Variants in LMNTD1 observed in about 807,000 individuals in gnomAD.
LMNTD1 encodes the protein lamin tail domain containing 1, also known as lamin tail domain-containing protein 1.
In LMNTD1, 35 loss-of-function variants were observed where a neutral mutation model predicts 50.9. The observed-to-expected ratio is 0.69, with a 90% confidence interval of 0.53 to 0.91. The LOEUF is 0.91. Ranked by LOEUF, LMNTD1 falls within the 40% of genes least tolerant of loss-of-function variation. The probability of loss-of-function intolerance (pLI) is 0.00; values close to 1 mark genes in which losing one functional copy is unlikely to be tolerated. For missense variants in LMNTD1, 470 were observed against 475.5 expected (o/e 0.99, Z 0.11); for synonymous variants, 153 against 161.9 (o/e 0.94, Z 0.42).
chr12:25,636,120 A>G (rs933369419), intron 1 of LMNTD1, among the ~76,000 whole-genome samples: 3 of 152,198 alleles, frequency 2.0e-5, no homozygotes, highest in African/African-American at 7.2e-5. Flanking sequence ...CAATGAAAAC[A>G]AAGATAAATA....
intron 1 of LMNTD1, among the ~76,000 whole-genome samples, chr12:25,637,948 G>T (rs564586010): frequency 5.9e-5 from 9 of 151,848 alleles, no homozygotes; most frequent in Non-Finnish European, 1.3e-4. Flanking sequence ...ATGCAAAAAT[G>T]CTCAACAAAA....
chr12:25,479,136 T>C (rs1938364256), intron 9 of LMNTD1, among the ~76,000 whole-genome samples: 1 of 152,184 alleles, frequency 6.6e-6, no homozygotes, highest in Admixed American at 6.5e-5. Flanking sequence ...CTTCTTAGCC[T>C]GTTGACTTAA....
At chr12:25,549,220 G>C in intron 3 of LMNTD1, 106 bp downstream of exon 3, 1 of 604,652 alleles carries the variant, frequency 1.7e-6, no homozygotes, top group South Asian at 2.5e-5. Context: ...TAGCATTTTG[G>C]GGGAGTAATA....
chr12:25,526,369 A>G lies in LMNTD1; in HGVS notation c.679-151T>C, dbSNP rs926742927. On this transcript the variant is annotated intron_variant, in intron 5 of 9. Transcript: ENST00000458174. The stretch of plus-strand genomic sequence containing the variant: ...ACAATGTCAAGCTATGCAACACCAA[A>G]CAGCTACTCTACAGGGATTAAAGGA... The G allele has an allele frequency of 4.3e-6, 3 of 695,984 alleles. No homozygotes were observed. The African/African-American group carries it at 5.6e-5, about 13-fold the overall frequency. 43.1% of individuals were successfully genotyped at this position (695,984 alleles called of 1,614,324 possible).
intron 1 of LMNTD1, among the ~76,000 whole-genome samples, chr12:25,614,092 A>G (rs959987583): frequency 7.2e-5 from 11 of 152,170 alleles, no homozygotes; most frequent in Non-Finnish European, 1.6e-4. Flanking sequence ...AAGTATCTAA[A>G]AAAAGTGTCC....
chr12:25,559,445 T>C (rs994494635), intron 1 of LMNTD1, among the ~76,000 whole-genome samples: 8 of 152,236 alleles, frequency 5.3e-5, no homozygotes, highest in Admixed American at 3.9e-4. Context: ...CAGTCTATCA[T>C]TGATGGACAT....
intron 8 of LMNTD1, among the ~76,000 whole-genome samples, chr12:25,508,332 G>A (rs1157157876): frequency 6.6e-6 from 1 of 151,922 alleles, no homozygotes; most frequent in African/African-American, 2.4e-5. Flanking sequence ...TTGACACCAT[G>A]GTTCAATATT....
At chr12:25,603,954 A>G (rs1390666780) in intron 1 of LMNTD1, among the ~76,000 whole-genome samples, 1 of 149,916 alleles carries the variant, frequency 6.7e-6, no homozygotes, top group Non-Finnish European at 1.5e-5. Flanking sequence ...ATTGGGGGGG[A>G]AGGCTGACAA....
intron 9 of LMNTD1, among the ~76,000 whole-genome samples, chr12:25,478,303 C>A (rs962889164): frequency 6.6e-6 from 1 of 152,130 alleles, no homozygotes; most frequent in Non-Finnish European, 1.5e-5. Context: ...CATAATTACA[C>A]CTAAGATAAT....
chr12:25,573,625 T>G (rs1012736808), intron 1 of LMNTD1, among the ~76,000 whole-genome samples: 1 of 152,006 alleles, frequency 6.6e-6, no homozygotes, highest in African/African-American at 2.4e-5. Flanking sequence ...GATGCCTATT[T>G]TGTTTTTTGC....
At chr12:25,575,003 A>C (rs1012334181) in intron 1 of LMNTD1, among the ~76,000 whole-genome samples, 1 of 152,192 alleles carries the variant, frequency 6.6e-6, no homozygotes, top group African/African-American at 2.4e-5. Flanking sequence ...AAAGACAGGC[A>C]AAGACCTGAA....
chr12:25,569,225 G>T (rs12580938), intron 1 of LMNTD1, among the ~76,000 whole-genome samples: 9,034 of 152,306 alleles, frequency 0.059, 296 homozygotes, highest in South Asian at 0.089. Flanking sequence ...AGGACATGGA[G>T]TCAAAGGAGA....
chr12:25,582,552 T>C (rs1236000137), intron 1 of LMNTD1: 1 of 152,220 alleles, frequency 6.6e-6, no homozygotes, highest in African/African-American at 2.4e-5. Context: ...TAAAACTTCA[T>C]GGGCTCCGAA....
chr12:25,628,324 T>G (rs959500), intron 1 of LMNTD1, among the ~76,000 whole-genome samples: 96,739 of 151,672 alleles, frequency 0.64, 31,129 homozygotes, highest in Non-Finnish European at 0.68. Flanking sequence ...TTTTGGATCA[T>G]TCAACTATAT....
intron 1 of LMNTD1, among the ~76,000 whole-genome samples, chr12:25,645,070 G>T (rs950968188): frequency 9.2e-5 from 14 of 152,140 alleles, no homozygotes. Flanking sequence ...GGACTCTTTC[G>T]CAGTACTAAG....
rs144960291 is a variant in LMNTD1, at chr12:25,561,039, G to A, written c.59-14485C>T. Among the ~76,000 whole-genome samples the A allele has an allele frequency of 6.6e-3, 997 of 152,090 alleles. 7 individuals carry two copies. Among genetic ancestry groups the A allele is most frequent in the African/African-American group, 0.023 (961 of 41,500 alleles). On this transcript the variant is annotated intron_variant, in intron 1 of 7. Transcript: ENST00000445693. ...TACCCTTTTTTTCTTTCTCTTGCCCGATTGCCTTGGCCAGAATTTCCAACA... is the reference window on the plus strand; with the variant it reads ...TACCCTTTTTTTCTTTCTCTTGCCCAATTGCCTTGGCCAGAATTTCCAACA...
chr12:25,489,021 C>G (rs1343901250), intron 9 of LMNTD1, among the ~76,000 whole-genome samples: 2 of 152,146 alleles, frequency 1.3e-5, no homozygotes, highest in African/African-American at 2.4e-5. Context: ...AGAACCACTG[C>G]TCTCTTCAAA....
rs58482301 is a variant in LMNTD1 at position 25,526,070 on chromosome 12, A to C, written c.798+29T>G. On this transcript the variant is annotated intron_variant, in intron 6 of 9. Transcript: ENST00000458174. Reference sequence around the variant, plus strand: ...CAATAAGCACAATATTTAAAAAAAAAAAACGATTGTTAAGAACCAGAAACT... The same window carrying C: ...CAATAAGCACAATATTTAAAAAAAACAAACGATTGTTAAGAACCAGAAACT... The C allele has an allele frequency of 3.6e-3, 5,592 of 1,536,424 alleles. 205 individuals carry two copies. The African/African-American group carries it at 0.07, about 19-fold the overall frequency.
chr12:25,496,796 A>G (rs561197292), intron 9 of LMNTD1, among the ~76,000 whole-genome samples: 28 of 152,216 alleles, frequency 1.8e-4, no homozygotes, highest in Middle Eastern at 3.4e-3. Flanking sequence ...TGCAACCATC[A>G]TCTCTATCCA....
Sources: allele counts gnomAD v4.1 joint callset (sites outside exome capture counted in the v4.1 genomes callset), GRCh38; gene constraint gnomAD v4.1.1; transcripts MANE v1.5; gene names NCBI Gene and HGNC (gene_info 2026-07-23, HGNC 2026-07-21).